Variants in NELL1 observed in about 807,000 individuals in gnomAD.
NELL1 encodes the protein neural EGFL like 1, also known as protein kinase C-binding protein NELL1.
A neutral mutation model predicts 107.4 loss-of-function variants in NELL1; 76 were observed. The observed-to-expected ratio is 0.71, with a 90% confidence interval of 0.59 to 0.86. The LOEUF (loss-of-function observed/expected upper bound fraction) is 0.86, where lower values mean the gene tolerates loss of function less well. Ranked by LOEUF, NELL1 falls within the 40% of genes least tolerant of loss-of-function variation. The pLI is 0.00. For missense variants in NELL1, 1,024 were observed against 1,005.5 expected (o/e 1.02, Z -0.25); for synonymous variants, 353 against 341.2 (o/e 1.03, Z -0.38).
At chr11:20,891,883 C>T (rs1849623520) in intron 5 of NELL1, among the ~76,000 whole-genome samples, 1 of 152,158 alleles carries the variant, frequency 6.6e-6, no homozygotes, top group African/African-American at 2.4e-5. Flanking sequence ...TAGAGACCTA[C>T]AAAGAGACTT....
At chr11:21,077,195 A>G (rs1232857040) in intron 12 of NELL1, among the ~76,000 whole-genome samples, 3 of 152,214 alleles carry the variant, frequency 2.0e-5, no homozygotes, top group Non-Finnish European at 2.9e-5. Context: ...GAGCTAATTT[A>G]AAAATTCACC....
At chr11:20,681,910 A>C (rs980899212) in intron 2 of NELL1, among the ~76,000 whole-genome samples, 2 of 151,982 alleles carry the variant, frequency 1.3e-5, no homozygotes, top group African/African-American at 4.8e-5. Context: ...TTCTGTCATC[A>C]TATTATCTTC....
intron 14 of NELL1, among the ~76,000 whole-genome samples, chr11:21,273,500 C>A (rs1319181169): frequency 6.6e-6 from 1 of 152,186 alleles, no homozygotes; most frequent in African/African-American, 2.4e-5. Flanking sequence ...TCCAGGAGAA[C>A]TTCCCCAATC....
At chr11:21,447,573 G>C (rs796218889) in intron 15 of NELL1, among the ~76,000 whole-genome samples, 12 of 152,248 alleles carry the variant, frequency 7.9e-5, no homozygotes, top group African/African-American at 2.6e-4. Context: ...GGCTGAGCTG[G>C]TATCCAAATT....
chr11:21,021,557 T>G (rs1205155462), intron 12 of NELL1, among the ~76,000 whole-genome samples: 1 of 152,106 alleles, frequency 6.6e-6, no homozygotes, highest in African/African-American at 2.4e-5. Flanking sequence ...TATAGTTTCA[T>G]ATCTTTAGAG....
At chr11:21,537,011 G>T (rs1476201729) in intron 16 of NELL1, among the ~76,000 whole-genome samples, 1 of 149,606 alleles carries the variant, frequency 6.7e-6, no homozygotes, top group African/African-American at 2.5e-5. Context: ...GAAAATGTCA[G>T]TGAACTGGAC....
intron 12 of NELL1, among the ~76,000 whole-genome samples, chr11:20,973,734 T>G (rs1296625095): frequency 6.6e-6 from 1 of 152,236 alleles, no homozygotes; most frequent in East Asian, 1.9e-4. Context: ...CCTTTTAGGA[T>G]TGAAAGGATT....
chr11:21,248,686 T>A (rs994724248), intron 14 of NELL1, among the ~76,000 whole-genome samples: 1 of 152,174 alleles, frequency 6.6e-6, no homozygotes, highest in African/African-American at 2.4e-5. Context: ...TGCTGCTAAA[T>A]GTTTCTCGAT....
At position 21,300,125 on chromosome 11, in the gene NELL1, T is replaced by C. The variant is rs190092630; in HGVS notation, c.1549+70671T>C. Reference sequence around the variant, plus strand: ...AACAGCTGTTGTGACTGAAAACCCCTGGTGGTAAGAGGACTGAGGGCATGG... The same window carrying C: ...AACAGCTGTTGTGACTGAAAACCCCCGGTGGTAAGAGGACTGAGGGCATGG... On this transcript the variant is annotated intron_variant, in intron 14 of 19. Coordinates refer to ENST00000357134, the MANE Select transcript of NELL1 (RefSeq NM_006157.5). Among the ~76,000 whole-genome samples the C allele has an allele frequency of 2.8e-3, 419 of 152,066 alleles. 5 individuals carry two copies. The highest frequency in any genetic ancestry group is 3.5e-4 in the Non-Finnish European group (24 of 67,932).
At chr11:21,396,844 TA>T (rs201168077) in intron 15 of NELL1, among the ~76,000 whole-genome samples, 14 of 148,476 alleles carry the variant, frequency 9.4e-5, no homozygotes, top group South Asian at 4.3e-4. Context: ...GAGAATGCCA[TA>T]AAAAAAAAAT....
At position 21,354,150 on chromosome 11, in the gene NELL1, G is replaced by A. The variant is rs571803892; in HGVS notation, c.1550-16703G>A. 1.4e-4 allele frequency among the ~76,000 whole-genome samples: 21 copies of A among 152,208 alleles called. No homozygotes were observed. The South Asian group carries it at 3.3e-3, about 24-fold the overall frequency. On this transcript the variant is annotated intron_variant, in intron 14 of 19. Coordinates refer to ENST00000357134, the MANE Select transcript of NELL1 (RefSeq NM_006157.5). ...CCCAATGTCACATAGCTAGAAAATGGCATATGTGAGATTTGTGCGAGGCTC... is the reference window on the plus strand; with the variant it reads ...CCCAATGTCACATAGCTAGAAAATGACATATGTGAGATTTGTGCGAGGCTC...
intron 2 of NELL1, among the ~76,000 whole-genome samples, chr11:20,701,637 T>G (rs1854791413): frequency 1.3e-5 from 2 of 152,130 alleles, no homozygotes; most frequent in Non-Finnish European, 2.9e-5. Context: ...TTTTTATGGT[T>G]TTAGGTCTAA....
intron 12 of NELL1, among the ~76,000 whole-genome samples, chr11:21,011,828 C>G (rs867511316): frequency 2.6e-5 from 4 of 152,148 alleles, no homozygotes; most frequent in African/African-American, 9.7e-5. Flanking sequence ...TTCCTCGCCT[C>G]CACCACTTAG....
chr11:21,487,177 G>C (rs1854655485), intron 15 of NELL1, among the ~76,000 whole-genome samples: 1 of 152,156 alleles, frequency 6.6e-6, no homozygotes, highest in African/African-American at 2.4e-5. Flanking sequence ...TAGTCAAACT[G>C]TCTAAAGCCA....
chr11:20,828,618 T>A (rs1253428277), intron 3 of NELL1, among the ~76,000 whole-genome samples: 1 of 152,196 alleles, frequency 6.6e-6, no homozygotes, highest in Non-Finnish European at 1.5e-5. Context: ...TGATCTACTA[T>A]ATTCTGACTT....
intron 15 of NELL1, among the ~76,000 whole-genome samples, chr11:21,371,810 C>T (rs118140451): frequency 0.011 from 1,743 of 152,008 alleles, 12 homozygotes; most frequent in Non-Finnish European, 0.017. Flanking sequence ...TATTACATGA[C>T]GGGGGAGGTG....
At chr11:21,242,240 G>T (rs1424746899) in intron 14 of NELL1, among the ~76,000 whole-genome samples, 3 of 152,050 alleles carry the variant, frequency 2.0e-5, no homozygotes, top group Admixed American at 6.6e-5. Context: ...TGGTGAGAGT[G>T]GTTGTGTGTC....
chr11:21,442,321 G>A (rs555323682), intron 15 of NELL1, among the ~76,000 whole-genome samples: 5 of 152,160 alleles, frequency 3.3e-5, no homozygotes, highest in South Asian at 2.1e-4. Context: ...GCCAAATATT[G>A]GTTTGTGTGT....
At chr11:20,897,793 T>A (rs1329555364) in intron 5 of NELL1, among the ~76,000 whole-genome samples, 1 of 152,222 alleles carries the variant, frequency 6.6e-6, no homozygotes, top group African/African-American at 2.4e-5. Context: ...AAGACATTTA[T>A]GCAGCCAAAA....
Sources: gnomAD v4.1 joint callset for allele counts (sites outside exome capture counted in the v4.1 genomes callset) on GRCh38, gnomAD v4.1.1 for gene constraint, MANE v1.5 for transcripts, NCBI Gene and HGNC (gene_info 2026-07-23, HGNC 2026-07-21) for gene names.